The following MAD1L1 variants were observed in gnomAD, a reference collection of about 807,000 sequenced individuals.
MAD1L1 encodes the protein mitotic arrest deficient 1 like 1.
In MAD1L1, 95 loss-of-function variants were observed where a neutral mutation model predicts 96.9. That is an observed-to-expected ratio of 0.98 (90% CI 0.83 to 1.16). MAD1L1 has a LOEUF of 1.16. Ranked by LOEUF, MAD1L1 falls within the 50% of genes most tolerant of loss-of-function variation. The probability of loss-of-function intolerance (pLI) is 0.00; values close to 1 mark genes in which losing one functional copy is unlikely to be tolerated. For missense variants in MAD1L1, 1,007 were observed against 954.4 expected, an observed-to-expected ratio of 1.06 and a Z score of -0.73; for synonymous variants, 473 against 396.6, an observed-to-expected ratio of 1.19 and a Z score of -2.29.
chr7:2,203,873 A>C (rs560069815), intron 10 of MAD1L1, among the ~76,000 whole-genome samples: 1 of 152,212 alleles, frequency 6.6e-6, no homozygotes. Context: ...CCTCCGGGGC[A>C]ATCAGTTCTA....
At chr7:1,948,790 G>A (rs1386703643) in intron 16 of MAD1L1, among the ~76,000 whole-genome samples, 1 of 152,196 alleles carries the variant, frequency 6.6e-6, no homozygotes, top group Non-Finnish European at 1.5e-5. Flanking sequence ...GCTGAGACCA[G>A]ATCACCCTGG....
chr7:1,882,254 T>C lies in MAD1L1; in HGVS notation c.1998+15946A>G, dbSNP rs148488310. The stretch of plus-strand genomic sequence containing the variant: ...TGCCGGGCAGAGGGCACCTGGGAGA[T>C]GTTAGCACACGCGAACATAGTGCTT... On this transcript the variant is annotated intron_variant, in intron 18 of 18. Transcript: ENST00000265854. 9.9e-5 allele frequency among the ~76,000 whole-genome samples: 15 copies of C among 152,264 alleles called. No homozygotes were observed. In the East Asian group the frequency reaches 2.3e-3, roughly 24 times the overall value.
At chr7:2,002,920 C>G (rs1480013795) in intron 13 of MAD1L1, among the ~76,000 whole-genome samples, 2 of 41,706 alleles carry the variant, frequency 4.8e-5, no homozygotes, top group African/African-American at 8.8e-5. Context: ...CTCCCTCTGC[C>G]CCTTCCTGAC....
At chr7:1,924,134 G>C (rs1236067959) in intron 17 of MAD1L1, among the ~76,000 whole-genome samples, 1 of 152,210 alleles carries the variant, frequency 6.6e-6, no homozygotes, top group Admixed American at 6.5e-5. Flanking sequence ...TGGAATTATC[G>C]AGTGAGATTT....
At chr7:2,062,848 C>G (rs1296961608) in intron 12 of MAD1L1, among the ~76,000 whole-genome samples, 1 of 151,966 alleles carries the variant, frequency 6.6e-6, no homozygotes, top group African/African-American at 2.4e-5. Context: ...AAACCGTGAC[C>G]CACTCCCTGC....
intron 11 of MAD1L1, among the ~76,000 whole-genome samples, chr7:2,148,093 G>C (rs1387235845): frequency 6.6e-6 from 1 of 152,180 alleles, no homozygotes; most frequent in Non-Finnish European, 1.5e-5. Flanking sequence ...TATCATTTGA[G>C]GTTTTTCAGT....
intron 11 of MAD1L1, among the ~76,000 whole-genome samples, chr7:2,073,117 C>G (rs1785215492): frequency 6.6e-6 from 1 of 152,320 alleles, no homozygotes; most frequent in Non-Finnish European, 1.5e-5. Flanking sequence ...CTCGGTGAGG[C>G]AGGACGGCAG....
rs186362044 is a variant in MAD1L1 at position 2,059,131 on chromosome 7, C to T, written c.1218+10063G>A. On this transcript the variant is annotated intron_variant, in intron 12 of 18. Transcript: ENST00000265854. ...AGGGAGTGTGGCCAGACGAGAGAAG[C>T]AGGGCTGGAGAGGGAGTGTGGCCAG... Among the ~76,000 whole-genome samples, 66 of 98,686 alleles carry T rather than the reference C, an allele frequency of 6.7e-4. 4 individuals are homozygous for T. Among genetic ancestry groups the T allele is most frequent in the African/African-American group, 2.6e-3 (61 of 23,838 alleles). The allele number at this position is 98,686 out of a possible 152,430, so 64.7% of individuals were successfully genotyped here.
At position 1,847,038 on chromosome 7, in the gene MAD1L1, A is replaced by G. The variant is rs947593967; in HGVS notation, c.1999-30810T>C. On this transcript the variant is annotated intron_variant, in intron 18 of 18. Coordinates refer to ENST00000265854, the MANE Select transcript of MAD1L1 (RefSeq NM_001013836.2). ...AGAGACATTTCAAAACATGTTCTGC[A>G]GCTGATTTGCTCCTTGGCCCCAAGA... 3 of 341,338 alleles carry G rather than the reference A, an allele frequency of 8.8e-6. No homozygotes were observed. The East Asian group carries it at 2.4e-4, about 28-fold the overall frequency. 21.1% of individuals were successfully genotyped at this position (341,338 alleles called of 1,614,324 possible). A position where few individuals can be genotyped will look rare whatever the true frequency, so the allele number is the denominator to read the frequency against.
intron 18 of MAD1L1, among the ~76,000 whole-genome samples, chr7:1,875,000 G>A (rs1299201549): frequency 6.6e-6 from 1 of 152,292 alleles, no homozygotes; most frequent in Non-Finnish European, 1.5e-5. Context: ...TCCGAGCCAA[G>A]GGCCTCCTTC....
chr7:2,067,546 T>C (rs1446708735), intron 12 of MAD1L1, among the ~76,000 whole-genome samples: 1 of 152,088 alleles, frequency 6.6e-6, no homozygotes, highest in Non-Finnish European at 1.5e-5. Context: ...CCCGGGCCTC[T>C]CCTCGGCGGC....
At position 1,924,100 on chromosome 7, in the gene MAD1L1, C is replaced by A. The variant is rs535351828; in HGVS notation, c.1807+12587G>T. Among the ~76,000 whole-genome samples the A allele has an allele frequency of 3.3e-5, 5 of 152,364 alleles. No individual in the cohort carries two copies. The East Asian group carries it at 9.6e-4, about 29-fold the overall frequency. ...AACCTGCCAGGGAAAACACGACCAA[C>A]AGGCGCCAAGATGACGGAGATGCTG... On this transcript the variant is annotated intron_variant, in intron 17 of 18. Transcript: ENST00000265854.
chr7:1,922,601 C>G (rs752328836), intron 17 of MAD1L1, among the ~76,000 whole-genome samples: 3 of 152,194 alleles, frequency 2.0e-5, no homozygotes, highest in Admixed American at 1.3e-4. Flanking sequence ...GGAAAAGGGT[C>G]GGTCCTGCCT....
chr7:1,965,428 T>C (rs774108496), intron 15 of MAD1L1, among the ~76,000 whole-genome samples: 4 of 152,190 alleles, frequency 2.6e-5, no homozygotes, highest in Non-Finnish European at 5.9e-5. Context: ...CCCACCGCAC[T>C]GGTGGGTAGG....
chr7:1,957,490 G>A (rs1040859818), intron 16 of MAD1L1, 139 bp downstream of exon 16: 5 of 824,832 alleles, frequency 6.1e-6, no homozygotes, highest in South Asian at 1.7e-5. Flanking sequence ...GCAAGGGGGT[G>A]CACATGGGAG....
chr7:1,840,455 C>T (rs745456774), intron 18 of MAD1L1, among the ~76,000 whole-genome samples: 1 of 152,176 alleles, frequency 6.6e-6, no homozygotes, highest in Admixed American at 6.5e-5. Flanking sequence ...ACAAGCCAGG[C>T]GTGGTGGCTC....
chr7:1,876,724 A>G (rs4719335), intron 18 of MAD1L1, among the ~76,000 whole-genome samples: 148,940 of 149,990 alleles, frequency 0.99, 73,956 homozygotes, highest in Middle Eastern at 1. Flanking sequence ...AGGCCAGGGT[A>G]ACCTCCTCTC....
chr7:2,127,147 G>A lies in MAD1L1; in HGVS notation c.1073+22005C>T, dbSNP rs187486075. ...GTCTTCCACAGTGCTGGCCTGACCC[G>A]CTTGTTCCAGAAGAGAGGTGCTCAG... is the stretch of plus-strand genomic sequence containing the variant. On this transcript the variant is annotated intron_variant, in intron 11 of 18. Coordinates refer to ENST00000265854, the MANE Select transcript of MAD1L1 (RefSeq NM_001013836.2). 4.7e-3 allele frequency among the ~76,000 whole-genome samples: 714 copies of A among 152,286 alleles called. 10 individuals carry two copies. Among genetic ancestry groups the A allele is most frequent in the African/African-American group, 0.016 (678 of 41,550 alleles).
chr7:2,058,707 G>A (rs1435511064), intron 12 of MAD1L1, among the ~76,000 whole-genome samples: 35 of 102,978 alleles, frequency 3.4e-4, no homozygotes, highest in South Asian at 7.8e-4. Flanking sequence ...GTGTGGCCAG[G>A]GGAGAGGAGA....
Sources: gnomAD v4.1 joint callset for allele counts (sites outside exome capture counted in the v4.1 genomes callset) on GRCh38, gnomAD v4.1.1 for gene constraint, MANE v1.5 for transcripts, NCBI Gene and HGNC (gene_info 2026-07-23, HGNC 2026-07-21) for gene names.